MMUT: variants seen among roughly 807,000 people sequenced by gnomAD.
MMUT encodes the protein methylmalonyl-CoA mutase.
In MMUT, 79 loss-of-function variants were observed where a neutral mutation model predicts 79.9. The ratio of observed to expected loss-of-function variants is 0.99; its 90% CI spans 0.82 to 1.19. The LOEUF (loss-of-function observed/expected upper bound fraction) is 1.19. Ranked by LOEUF, MMUT falls within the 50% of genes most tolerant of loss-of-function variation. The probability of loss-of-function intolerance (pLI) is 0.00; values close to 1 mark genes in which losing one functional copy is unlikely to be tolerated. For missense variants in MMUT, 860 were observed against 917.2 expected (o/e 0.94, Z 0.81); for synonymous variants, 273 against 295.7 (o/e 0.92, Z 0.79).
At chr6:49,444,343 T>C (rs1036313779) in intron 9 of MMUT, among the ~76,000 whole-genome samples, 2 of 152,168 alleles carry the variant, frequency 1.3e-5, no homozygotes, top group African/African-American at 2.4e-5. Flanking sequence ...AACCTGGTGA[T>C]ATACTTGAGA....
chr6:49,443,643 A>G (rs1025615230), intron 9 of MMUT: 1 of 216,068 alleles, frequency 4.6e-6, no homozygotes, highest in Admixed American at 5.6e-5. Flanking sequence ...ACATATAATG[A>G]GATAATTTTT....
rs775177090 is a variant in MMUT, at chr6:49,459,432, G to A, written c.35C>T (p.Ser12Leu). The A allele has an allele frequency of 1.2e-6, 2 of 1,613,218 alleles. No homozygotes were observed. The highest frequency in any genetic ancestry group is 2.2e-5 in the East Asian group (1 of 44,876). ...LRAKNQLFLLSPHYLRQVKES... is the reference protein window; with the variant it reads ...LRAKNQLFLLLPHYLRQVKES... ...TTTTACCTGCCTCAGGTAATGAGGT[G>A]AAAGTAAAAAAAGCTGATTCTTAGC... is the stretch of plus-strand genomic sequence containing the variant. The change falls in exon 2 of 13, where the codon TCA becomes TTA. Residue 12 changes from serine to leucine, a missense_variant. Coordinates refer to ENST00000274813, the MANE Select transcript of MMUT (RefSeq NM_000255.4).
At chr6:49,438,655 T>C (rs940711447) in intron 11 of MMUT, among the ~76,000 whole-genome samples, 2 of 152,168 alleles carry the variant, frequency 1.3e-5, no homozygotes, top group African/African-American at 4.8e-5. Context: ...GGTTGAAGGA[T>C]ACAAAGTATT....
Position 49,448,812 on chromosome 6 carries a change from T to C in MMUT, c.1444+4A>G. ...TTCATATATGAACTTTCTCACTATC[T>C]TACCAGAATCTATTCTAGCTTGTCT... On this transcript the variant is annotated splice_donor_region_variant and intron_variant, in intron 7 of 12. Coordinates refer to ENST00000274813, the MANE Select transcript of MMUT (RefSeq NM_000255.4). 1 of 1,602,814 alleles carries C rather than the reference T, an allele frequency of 6.2e-7. No individual in the cohort carries two copies. Among genetic ancestry groups the C allele is most frequent in the Non-Finnish European group, 8.5e-7 (1 of 1,169,870 alleles).
chr6:49,459,538 G>A (rs1767787458), intron 1 of MMUT, 33 bp from the exon 2 acceptor site: 1 of 1,522,418 alleles, frequency 6.6e-7, no homozygotes, highest in Admixed American at 1.8e-5. Flanking sequence ...AAAACATTTA[G>A]AAGAGGGGGT....
intron 9 of MMUT, among the ~76,000 whole-genome samples, chr6:49,442,519 TA>T (rs1273859116): frequency 1.3e-5 from 2 of 152,118 alleles, no homozygotes; most frequent in Non-Finnish European, 1.5e-5. Context: ...AGATGATAAA[TA>T]ACTAAATAAA....
In MMUT at chr6:49,431,737, T is replaced by C. The variant is rs1473563996; in HGVS notation, c.2244A>G (p.Gln748=). 1 of 1,613,766 alleles carries C rather than the reference T, an allele frequency of 6.2e-7. No individual in the cohort carries two copies. ...DIEKCLEKKQ[Q]SV ...AAACAAAAAGAGGATATTATACAGA[T>C]TGCTGCTTCTTTTCCAAACACTTCT... is the stretch of plus-strand genomic sequence containing the variant. Residue 748 remains glutamine (Q), a synonymous_variant, in exon 13 of 13, where the codon CAA becomes CAG. Coordinates refer to ENST00000274813, the MANE Select transcript of MMUT (RefSeq NM_000255.4).
At chr6:49,458,766 C>T (rs1446378809) in intron 2 of MMUT, among the ~76,000 whole-genome samples, 1 of 152,204 alleles carries the variant, frequency 6.6e-6, no homozygotes, top group African/African-American at 2.4e-5. Flanking sequence ...CCTCTCCAAT[C>T]GCTATCCCAA....
intron 9 of MMUT, 45 bp from the exon 10 acceptor site, chr6:49,442,016 TA>T: frequency 6.4e-7 from 1 of 1,551,628 alleles, no homozygotes; most frequent in South Asian, 1.1e-5. Flanking sequence ...TATTTTGTGA[TA>T]AAGATATCTG....
chr6:49,456,322 T>C (rs1292497138), intron 3 of MMUT, 85 bp from the exon 4 acceptor site: 1 of 941,376 alleles, frequency 1.1e-6, no homozygotes, highest in East Asian at 2.6e-5. Context: ...ATAAACATTA[T>C]TTTAAAATGA....
chr6:49,444,917 T>G (rs1767374936), intron 8 of MMUT, among the ~76,000 whole-genome samples, 163 bp from the exon 9 acceptor site: 1 of 152,182 alleles, frequency 6.6e-6, no homozygotes, highest in Non-Finnish European at 1.5e-5. Flanking sequence ...CCTAGGAATT[T>G]TATTCATTCA....
chr6:49,447,739 T>G lies in MMUT; in HGVS notation c.1491A>C (p.Glu497Asp). 6.2e-7 allele frequency: 1 copy of G among 1,612,306 alleles called. No homozygotes were observed. Residue 497 changes from glutamate (E) to aspartate (D), a missense_variant, in exon 8 of 13, where the codon GAA (glutamate) becomes GAC (aspartate). Transcript: ENST00000274813. The stretch of plus-strand genomic sequence containing the variant: ...CAATTGCCAGAACTTCTACAGCGTC[T>G]TCTTTTTCCAACTGGTACTTATTTA... ...VGVNKYQLEK[E>D]DAVEVLAIDN...
Position 49,448,851 on chromosome 6 carries a change from T to C in MMUT, c.1409A>G (p.Glu470Gly), listed in dbSNP as rs777398959. ...TCTAGCTTGTCTTCGGGCAGCACAT[T>C]CTTCAATTCGAAGTTTAGGTATTCC... ...AEGIPKLRIE[E>G]CAARRQARID... The change falls in exon 7 of 13, where the codon GAA (glutamate) becomes GGA (glycine). Residue 470 changes from glutamate to glycine, a missense_variant. By Grantham distance (98) the Glu-to-Gly change is moderately conservative (BLOSUM62 -2). Coordinates refer to ENST00000274813, the MANE Select transcript of MMUT (RefSeq NM_000255.4). 3 of 1,613,654 alleles carry C rather than the reference T, an allele frequency of 1.9e-6. No homozygotes were observed. Among genetic ancestry groups the C allele is most frequent in the Admixed American group, 1.7e-5 (1 of 60,002 alleles).
chr6:49,438,333 GT>G (rs1767185994), intron 11 of MMUT, among the ~76,000 whole-genome samples: 1 of 151,834 alleles, frequency 6.6e-6, no homozygotes, highest in Admixed American at 6.6e-5. Context: ...TTAGTAGAGA[GT>G]TAAAAAAAGA....
intron 11 of MMUT, 76 bp downstream of exon 11, chr6:49,440,130 T>C: frequency 6.4e-7 from 1 of 1,567,450 alleles, no homozygotes; most frequent in Non-Finnish European, 8.8e-7. Flanking sequence ...TCAATGTCTG[T>C]CATCATTTTA....
intron 4 of MMUT, 145 bp from the exon 5 acceptor site, chr6:49,453,901 C>G: frequency 1.5e-6 from 1 of 657,446 alleles, no homozygotes; most frequent in South Asian, 2.2e-5. Context: ...AGTGCACGTA[C>G]ATTTATGTAA....
At chr6:49,452,614 G>A (rs370212270) in intron 5 of MMUT, among the ~76,000 whole-genome samples, 6 of 152,272 alleles carry the variant, frequency 3.9e-5, no homozygotes, top group Admixed American at 6.5e-5. Context: ...ATTTACAGGC[G>A]TGAGCCACTG....
At chr6:49,437,865 A>C (rs1392668965) in intron 11 of MMUT, among the ~76,000 whole-genome samples, 2 of 152,106 alleles carry the variant, frequency 1.3e-5, no homozygotes, top group African/African-American at 4.8e-5. Flanking sequence ...CTTCTGAAAC[A>C]AACATAAGTT....
At position 49,459,385 on chromosome 6, in the gene MMUT, T is replaced by A; in HGVS notation, c.82A>T (p.Ile28Leu). The change falls in exon 2 of 13, where the codon ATA (isoleucine) becomes TTA (leucine). Residue 28 changes from isoleucine (I) to leucine (L), a missense_variant. By Grantham distance (5) the Ile-to-Leu change is conservative. Transcript: ENST00000274813. ...TGCTGGTGTAGAAGTCGTTGCTGTA[T>A]GAGCCTGGAGCCTGATGATTCTTTT... is the stretch of plus-strand genomic sequence containing the variant. ...QVKESSGSRLIQQRLLHQQQP... is the reference protein window; with the variant it reads ...QVKESSGSRLLQQRLLHQQQP... 2 of 1,613,706 alleles carry A rather than the reference T, an allele frequency of 1.2e-6. No homozygotes were observed. The highest frequency in any genetic ancestry group is 3.3e-5 in the Admixed American group (2 of 59,950).
Sources: gnomAD v4.1 joint callset for allele counts (sites outside exome capture counted in the v4.1 genomes callset) on GRCh38, gnomAD v4.1.1 for gene constraint, MANE v1.5 for transcripts, NCBI Gene and HGNC (gene_info 2026-07-23, HGNC 2026-07-21) for gene names.